RIPOR1: variants seen among roughly 807,000 people sequenced by gnomAD.
RIPOR1 encodes RHO family interacting cell polarization regulator 1.
A neutral mutation model predicts 116.5 loss-of-function variants in RIPOR1; 58 were observed. That is an observed-to-expected ratio of 0.50 (90% CI 0.40 to 0.62). The LOEUF (loss-of-function observed/expected upper bound fraction) is 0.62. Among genes scored for constraint, RIPOR1 ranks in the 20% least tolerant of loss-of-function variants. The pLI, the probability that RIPOR1 is intolerant of heterozygous loss-of-function variation, is 0.00. For synonymous variants in RIPOR1, 605 were observed against 650.0 expected, an observed-to-expected ratio of 0.93 and a Z score of 1.05; for missense variants, 1,372 against 1,586.2, an observed-to-expected ratio of 0.86 and a Z score of 2.29.
rs1199380071 is a variant in RIPOR1 at position 67,529,638 on chromosome 16, G to A, written c.-24+724G>A. ...AGCACCCTTTGTCCTCCTCTCCAGG[G>A]TGAGCCCTGAGTCCGGCCTCCCCTA... On this transcript the variant is annotated intron_variant, in intron 1 of 21. Transcript: ENST00000042381. The surrounding 1 kb of genome is among the most constrained non-coding windows in gnomAD (Gnocchi z 4.1). 4.7e-6 allele frequency: 4 copies of A among 857,508 alleles called. No individual in the cohort carries two copies. The highest frequency in any genetic ancestry group is 7.1e-6 in the Non-Finnish European group (4 of 561,394). 53.1% of individuals were successfully genotyped at this position (857,508 alleles called of 1,614,324 possible).
chr16:67,519,389 C>T (rs867979650), intron 1 of RIPOR1, among the ~76,000 whole-genome samples: 12 of 152,106 alleles, frequency 7.9e-5, no homozygotes, highest in African/African-American at 2.7e-4. Flanking sequence ...GGAACTACGC[C>T]CTCCTAAGGA....
chr16:67,522,640 C>T (rs2050505009), intron 1 of RIPOR1, among the ~76,000 whole-genome samples: 1 of 152,074 alleles, frequency 6.6e-6, no homozygotes, highest in African/African-American at 2.4e-5. Flanking sequence ...CGGCCTCCAC[C>T]ATGCTTATTA....
At chr16:67,539,299 C>T (rs1449789338) in intron 4 of RIPOR1, 3 of 547,494 alleles carry the variant, frequency 5.5e-6, no homozygotes, top group South Asian at 2.2e-5. Flanking sequence ...GTAGGTGGGA[C>T]CCCTACAGAC....
intron 4 of RIPOR1, 46 bp downstream of exon 4, chr16:67,539,114 G>C (rs1467242559): frequency 6.4e-7 from 1 of 1,558,220 alleles, no homozygotes; most frequent in Non-Finnish European, 8.8e-7. Flanking sequence ...TTGGTGTGGA[G>C]GGCTGGGCAA....
upstream of RIPOR1, among the ~76,000 whole-genome samples, chr16:67,526,147 C>T (rs572068607): frequency 6.6e-6 from 1 of 152,162 alleles, no homozygotes; most frequent in African/African-American, 2.4e-5. Context: ...TGGACAAGGA[C>T]AATAGGCAGT....
chr16:67,537,919 G>C lies in RIPOR1; in HGVS notation c.-23-505G>C, dbSNP rs1287350500. Among the ~76,000 whole-genome samples the C allele has an allele frequency of 6.6e-6, 1 of 151,954 alleles. No homozygotes were observed. The highest frequency in any genetic ancestry group is 1.5e-5 in the Non-Finnish European group (1 of 67,938). ...CAGGCGGGGGGCGGGCGACAAACCC[G>C]CACCGGCTGGGCCTGTCGGGCAGCT... On this transcript the variant is annotated intron_variant, in intron 1 of 21. Transcript: ENST00000042381. The surrounding 1 kb of genome is among the most constrained non-coding windows in gnomAD (Gnocchi z 4.6).
At chr16:67,538,354 T>G in intron 1 of RIPOR1, 70 bp from the exon 2 acceptor site, 1 of 1,505,524 alleles carries the variant, frequency 6.6e-7, no homozygotes, top group East Asian at 2.5e-5. Flanking sequence ...GCGCCAGCCC[T>G]GGATCCCGCT....
chr16:67,537,928 G>A lies in RIPOR1; in HGVS notation c.-23-496G>A, dbSNP rs1453193805. 32 of 269,260 alleles carry A rather than the reference G, an allele frequency of 1.2e-4. No individual in the cohort carries two copies. Among genetic ancestry groups the A allele is most frequent in the Non-Finnish European group, 5.6e-5 (8 of 143,936 alleles). The allele number at this position is 269,260 out of a possible 1,614,324, so 16.7% of individuals were successfully genotyped here. On this transcript the variant is annotated intron_variant, in intron 1 of 21. Coordinates refer to ENST00000042381, the MANE Select transcript of RIPOR1 (RefSeq NM_024519.4). This position sits in a 1 kb window ranked among gnomAD's most constrained non-coding sequence, Gnocchi z 4.6. ...GGCGGGCGACAAACCCGCACCGGCT[G>A]GGCCTGTCGGGCAGCTCCGCAGGGC... is the stretch of plus-strand genomic sequence containing the variant.
At chr16:67,536,769 C>T (rs946755480) in intron 1 of RIPOR1, among the ~76,000 whole-genome samples, 5 of 152,154 alleles carry the variant, frequency 3.3e-5, no homozygotes, top group African/African-American at 1.2e-4. Flanking sequence ...TTCTCAGCCT[C>T]AGTCCCCTGG....
chr16:67,535,446 G>A (rs1567565231), intron 1 of RIPOR1, among the ~76,000 whole-genome samples: 1 of 152,248 alleles, frequency 6.6e-6, no homozygotes, highest in Non-Finnish European at 1.5e-5. Context: ...CAGCAGGCAA[G>A]TGATGGGATG....
In RIPOR1 at chr16:67,539,762, A is replaced by G. The variant is rs750954506; in HGVS notation, c.360+11A>G. ...TATGATCTGGACAAGGTGAGTATGC[A>G]TGGAATGGTACTGGAAGGGGTTGGC... On this transcript the variant is annotated intron_variant, in intron 5 of 21. Transcript: ENST00000042381. 3.3e-5 allele frequency: 53 copies of G among 1,614,012 alleles called. No homozygotes were observed. Among genetic ancestry groups the G allele is most frequent in the East Asian group, 2.7e-4 (12 of 44,888 alleles).
At position 67,543,232 on chromosome 16, in the gene RIPOR1, CAGG is replaced by C. The variant is rs768857645; in HGVS notation, c.2450_2452del (p.Glu817del). Reference sequence around the variant, plus strand: ...GTTTCCTGAGCTGCAGGGCCTGGAGCAGGAGGTGACCCGCCTAGAAAGTCTGCT... The same window carrying C: ...GTTTCCTGAGCTGCAGGGCCTGGAGCAGGTGACCCGCCTAGAAAGTCTGCT... On this transcript the variant is annotated inframe_deletion, in exon 13 of 22. Coordinates refer to ENST00000042381, the MANE Select transcript of RIPOR1 (RefSeq NM_024519.4). This position sits in a 1 kb window ranked among gnomAD's most constrained non-coding sequence, Gnocchi z 4.7. 7.6e-6 allele frequency: 12 copies of C among 1,583,410 alleles called. No individual in the cohort carries two copies. Among genetic ancestry groups the C allele is most frequent in the Non-Finnish European group, 1.0e-5 (12 of 1,163,074 alleles).
chr16:67,541,398 C>G lies in RIPOR1; in HGVS notation c.802-32C>G, dbSNP rs2050977207. 6.9e-6 allele frequency: 11 copies of G among 1,605,408 alleles called. No homozygotes were observed. Among genetic ancestry groups the G allele is most frequent in the Non-Finnish European group, 8.5e-6 (10 of 1,174,930 alleles). ...CCCATGATCTCATAGCCCCTGCACC[C>G]TTGTGACCCTACCATGCACTCTTGG... On this transcript the variant is annotated intron_variant, in intron 10 of 21. Transcript: ENST00000042381. The surrounding 1 kb of genome is among the most constrained non-coding windows in gnomAD (Gnocchi z 4.6).
chr16:67,544,862 C>G lies in RIPOR1; in HGVS notation c.2869+32C>G. On this transcript the variant is annotated intron_variant, in intron 16 of 21. Coordinates refer to ENST00000042381, the MANE Select transcript of RIPOR1 (RefSeq NM_024519.4). This position sits in a 1 kb window ranked among gnomAD's most constrained non-coding sequence, Gnocchi z 5.1. ...GCCCTGGGGGTTCGGGCTCTGCCAT[C>G]TGCCTTGAAGCTCCTACCTCAGCCT... 6.3e-7 allele frequency: 1 copy of G among 1,591,732 alleles called. No homozygotes were observed. Among genetic ancestry groups the G allele is most frequent in the Non-Finnish European group, 8.6e-7 (1 of 1,165,026 alleles).
In RIPOR1 at chr16:67,544,203, T is replaced by A; in HGVS notation, c.2601-96T>A. The A allele has an allele frequency of 1.4e-6, 2 of 1,474,048 alleles. No homozygotes were observed. The highest frequency in any genetic ancestry group is 4.6e-5 in the East Asian group (2 of 43,430). 91.3% of individuals were successfully genotyped at this position (1,474,048 alleles called of 1,614,324 possible). A position where few individuals can be genotyped will look rare whatever the true frequency, so the allele number is the denominator to read the frequency against. ...TGTCTGCTGTCGGTGCATCATCTTC[T>A]TCCTTTCTGGCATGGGGGAAGCTTA... On this transcript the variant is annotated intron_variant, in intron 14 of 21. Transcript: ENST00000042381. The surrounding 1 kb of genome is among the most constrained non-coding windows in gnomAD (Gnocchi z 5.1).
In RIPOR1 at chr16:67,543,162, G is replaced by A. The variant is rs1475599265; in HGVS notation, c.2376G>A (p.Glu792=). ...GGTCTGGGGACAGGAGCCTGGAGGA[G>A]GCACTGGGGGCCCTAATGGCTGCCC... is the stretch of plus-strand genomic sequence containing the variant. ...AGGSGDRSLE[E]ALGALMAALD... is the part of the protein sequence containing the mutation. The change falls in exon 13 of 22, where the codon GAG becomes GAA. Residue 792 remains glutamate, a synonymous_variant. Coordinates refer to ENST00000042381, the MANE Select transcript of RIPOR1 (RefSeq NM_024519.4). The surrounding 1 kb of genome is among the most constrained non-coding windows in gnomAD (Gnocchi z 4.7). 2.6e-6 allele frequency: 4 copies of A among 1,535,570 alleles called. No individual in the cohort carries two copies. The highest frequency in any genetic ancestry group is 3.5e-6 in the Non-Finnish European group (4 of 1,142,210).
Position 67,542,750 on chromosome 16 carries a change from C to T in RIPOR1, c.1964C>T (p.Thr655Ile). The T allele has an allele frequency of 6.2e-7, 1 of 1,613,600 alleles. No individual in the cohort carries two copies. The highest frequency in any genetic ancestry group is 8.5e-7 in the Non-Finnish European group (1 of 1,179,856). The part of the protein sequence containing the change: ...PSGMGLVQTA[T>I]SPTHPTTSPT... ...GGTATGGGCCTAGTCCAGACTGCCA[C>T]AAGTCCCACCCATCCTACCACAAGC... Residue 655 changes from threonine (T) to isoleucine (I), a missense_variant, in exon 13 of 22, where the codon ACA (threonine) becomes ATA (isoleucine). Thr to Ile is a moderately conservative substitution (Grantham distance 89, BLOSUM62 -1). Around this residue, in one of 3 missense-constraint regions of RIPOR1, gnomAD observed 1,005 missense variants for 1,144.7 expected, o/e 0.88. Coordinates refer to ENST00000042381, the MANE Select transcript of RIPOR1 (RefSeq NM_024519.4). This position sits in a 1 kb window ranked among gnomAD's most constrained non-coding sequence, Gnocchi z 4.6.
In RIPOR1 at chr16:67,541,649, C is replaced by T. The variant is rs765367224; in HGVS notation, c.951-4C>T. On this transcript the variant is annotated splice_region_variant and splice_polypyrimidine_tract_variant and intron_variant, in intron 11 of 21. Coordinates refer to ENST00000042381, the MANE Select transcript of RIPOR1 (RefSeq NM_024519.4). The surrounding 1 kb of genome is among the most constrained non-coding windows in gnomAD (Gnocchi z 4.6). ...CACCTGCCAACAGCCTCTTCCCTTC[C>T]CAGCCCCTTCGACAAGGATGACCAG... The T allele has an allele frequency of 1.1e-4, 176 of 1,613,988 alleles. No individual in the cohort carries two copies. Among genetic ancestry groups the T allele is most frequent in the Non-Finnish European group, 1.4e-4 (161 of 1,179,986 alleles).
At chr16:67,538,115 C>A in intron 1 of RIPOR1, 1 of 312,546 alleles carries the variant, frequency 3.2e-6, no homozygotes, top group Non-Finnish European at 5.9e-6. Flanking sequence ...GCGCGCCGCC[C>A]CTTTCCTGCC....
Sources: allele counts gnomAD v4.1 joint callset (sites outside exome capture counted in the v4.1 genomes callset), GRCh38; gene constraint gnomAD v4.1.1; regional missense constraint gnomAD v4.1.1; non-coding constraint Gnocchi (gnomAD v3.1); transcripts MANE v1.5; gene names NCBI Gene and HGNC (gene_info 2026-07-23, HGNC 2026-07-21).